The following EBF1 variants were observed in gnomAD, a reference collection of about 807,000 sequenced individuals.
EBF1 encodes the protein transcription factor COE1.
In EBF1, 10 loss-of-function variants were observed where a neutral mutation model predicts 68.4. The ratio of observed to expected loss-of-function variants is 0.15; its 90% CI spans 0.09 to 0.25. The LOEUF is 0.25. EBF1 is among the 10% of genes least tolerant of loss of function. The pLI is 1.00. For missense variants in EBF1, 509 were observed against 794.4 expected (o/e 0.64, Z 4.32); for synonymous variants, 298 against 299.8 (o/e 0.99, Z 0.06).
chr5:158,913,448 A>G (rs954680984), intron 6 of EBF1, among the ~76,000 whole-genome samples: 5 of 152,200 alleles, frequency 3.3e-5, no homozygotes, highest in Non-Finnish European at 5.9e-5. Flanking sequence ...ATTTTCCATC[A>G]GTGTTTTCAG....
chr5:158,761,816 G>T (rs1049055606), intron 10 of EBF1, among the ~76,000 whole-genome samples: 2 of 152,050 alleles, frequency 1.3e-5, no homozygotes, highest in African/African-American at 2.4e-5. Context: ...GAAAATGGGA[G>T]AATATTATAT....
At chr5:159,090,207 A>G (rs1781380245) in intron 4 of EBF1, among the ~76,000 whole-genome samples, 1 of 151,056 alleles carries the variant, frequency 6.6e-6, no homozygotes, top group Non-Finnish European at 1.5e-5. Flanking sequence ...AATAATAATC[A>G]TTACATTCAA....
intron 10 of EBF1, among the ~76,000 whole-genome samples, chr5:158,768,648 C>G (rs1216503267): frequency 6.6e-6 from 1 of 152,078 alleles, no homozygotes; most frequent in Non-Finnish European, 1.5e-5. Flanking sequence ...CACGTCTCTT[C>G]GTTAACTTTA....
chr5:158,961,563 T>A (rs1818192758), intron 6 of EBF1, among the ~76,000 whole-genome samples: 1 of 152,138 alleles, frequency 6.6e-6, no homozygotes, highest in Non-Finnish European at 1.5e-5. Context: ...AAATACACAG[T>A]TCTGATATAT....
intron 6 of EBF1, among the ~76,000 whole-genome samples, chr5:158,883,685 G>T (rs994007874): frequency 3.3e-4 from 50 of 152,060 alleles, no homozygotes; most frequent in African/African-American, 1.2e-3. Flanking sequence ...GGAAGTTAAG[G>T]CTTTGGCAGG....
intron 10 of EBF1, among the ~76,000 whole-genome samples, chr5:158,753,070 A>T (rs1015928591): frequency 1.3e-5 from 2 of 152,104 alleles, no homozygotes; most frequent in African/African-American, 2.4e-5. Flanking sequence ...TTTAGAAAAG[A>T]TGCCTTACAA....
chr5:158,866,095 GAAGGC>G (rs1479329639), intron 6 of EBF1, among the ~76,000 whole-genome samples: 1 of 152,216 alleles, frequency 6.6e-6, no homozygotes, highest in African/African-American at 2.4e-5. Flanking sequence ...TCAGAAAGGT[GAAGGC>G]ACTTGCCCAA....
At chr5:159,069,019 A>G (rs1018442606) in intron 6 of EBF1, among the ~76,000 whole-genome samples, 1 of 152,136 alleles carries the variant, frequency 6.6e-6, no homozygotes, top group Non-Finnish European at 1.5e-5. Context: ...ATATTACAAT[A>G]AACAAACTCA....
chr5:158,954,285 G>A (rs770457593), intron 6 of EBF1, among the ~76,000 whole-genome samples: 15 of 152,184 alleles, frequency 9.9e-5, no homozygotes, highest in Non-Finnish European at 5.9e-5. Flanking sequence ...TGACAGTATG[G>A]CAGTAGGCCG....
At chr5:158,903,656 C>T (rs1803932519) in intron 6 of EBF1, among the ~76,000 whole-genome samples, 1 of 151,954 alleles carries the variant, frequency 6.6e-6, no homozygotes, top group Admixed American at 6.6e-5. Flanking sequence ...GATTAATTTT[C>T]AAAGTGAATT....
intron 6 of EBF1, among the ~76,000 whole-genome samples, chr5:159,030,068 A>C (rs915947965): frequency 6.9e-6 from 1 of 145,674 alleles, no homozygotes; most frequent in African/African-American, 2.6e-5. Flanking sequence ...TTTATTATCC[A>C]TTAAACCTAG....
At chr5:158,800,208 T>G (rs1288123256) in intron 8 of EBF1, among the ~76,000 whole-genome samples, 1 of 152,180 alleles carries the variant, frequency 6.6e-6, no homozygotes, top group African/African-American at 2.4e-5. Context: ...CAAAATAGGT[T>G]AGCAGGTGAA....
intron 6 of EBF1, among the ~76,000 whole-genome samples, chr5:158,905,702 C>A (rs181570933): frequency 6.6e-6 from 1 of 152,144 alleles, no homozygotes; most frequent in Non-Finnish European, 1.5e-5. Context: ...CTACCATAAA[C>A]CATTTTTTCT....
chr5:159,059,288 G>A (rs1297317200), intron 6 of EBF1, among the ~76,000 whole-genome samples: 2 of 151,818 alleles, frequency 1.3e-5, no homozygotes, highest in Non-Finnish European at 2.9e-5. Context: ...ACCTAATTCT[G>A]CCCTGATTAT....
chr5:158,757,229 G>A (rs1243931114), intron 10 of EBF1, among the ~76,000 whole-genome samples: 2 of 152,088 alleles, frequency 1.3e-5, no homozygotes, highest in Non-Finnish European at 2.9e-5. Context: ...CTAAAGGGAA[G>A]GCGGGCTCTC....
intron 9 of EBF1, among the ~76,000 whole-genome samples, chr5:158,790,278 A>G (rs1778347471): frequency 1.3e-5 from 2 of 152,240 alleles, no homozygotes; most frequent in South Asian, 4.1e-4. Flanking sequence ...GATGCAAAAT[A>G]TGAGGGAAAT....
intron 15 of EBF1, among the ~76,000 whole-genome samples, chr5:158,704,747 G>T (rs1011149615): frequency 6.6e-6 from 1 of 151,966 alleles, no homozygotes; most frequent in Non-Finnish European, 1.5e-5. Context: ...AAAAACTGGT[G>T]CCCACCTAAG....
Position 158,991,367 on chromosome 5 carries a change from T to A in EBF1, c.554+82029A>T, listed in dbSNP as rs1252884564. Reference sequence around the variant, plus strand: ...AGATGGTTGCTTAAAAATATCTGAATCACAAAACAGCTTTAGACATTCCAT... The same window carrying A: ...AGATGGTTGCTTAAAAATATCTGAAACACAAAACAGCTTTAGACATTCCAT... On this transcript the variant is annotated intron_variant, in intron 6 of 15. Transcript: ENST00000313708. Among the ~76,000 whole-genome samples the A allele has an allele frequency of 2.0e-5, 3 of 152,378 alleles. No homozygotes were observed. The East Asian group carries it at 5.8e-4, about 29-fold the overall frequency.
chr5:158,756,692 T>C (rs975057055), intron 10 of EBF1, among the ~76,000 whole-genome samples: 2 of 151,462 alleles, frequency 1.3e-5, no homozygotes, highest in African/African-American at 2.4e-5. Flanking sequence ...AATTCCCCAG[T>C]AAACATTTAA....
Sources: allele counts gnomAD v4.1 joint callset (sites outside exome capture counted in the v4.1 genomes callset), GRCh38; gene constraint gnomAD v4.1.1; transcripts MANE v1.5; gene names NCBI Gene and HGNC (gene_info 2026-07-23, HGNC 2026-07-21).